Variants in SIDT1 observed in about 807,000 individuals in gnomAD.
SIDT1 encodes SID1 transmembrane family, member 1.
SIDT1 carries 101 observed loss-of-function variants against 107.5 expected under a neutral mutation model. The ratio of observed to expected loss-of-function variants is 0.94; its 90% CI spans 0.80 to 1.11. The LOEUF (loss-of-function observed/expected upper bound fraction) is 1.11, where lower values mean the gene tolerates loss of function less well. Ranked by LOEUF, SIDT1 falls within the 50% of genes least tolerant of loss-of-function variation. The pLI is 0.00. For synonymous variants in SIDT1, 395 were observed against 398.2 expected, an observed-to-expected ratio of 0.99 and a Z score of 0.10; for missense variants, 1,076 against 1,058.2, an observed-to-expected ratio of 1.02 and a Z score of -0.23.
At chr3:113,589,608 A>AC (rs2107578611) in intron 9 of SIDT1, among the ~76,000 whole-genome samples, 1 of 136,932 alleles carries the variant, frequency 7.3e-6, no homozygotes, top group South Asian at 2.3e-4. Flanking sequence ...ATCTCAGCTC[A>AC]CTGTAACCTC....
rs1943653154 is a variant in SIDT1, at chr3:113,585,195, C to T, written c.926C>T (p.Ser309Phe). The T allele has an allele frequency of 6.2e-7, 1 of 1,613,370 alleles. No individual in the cohort carries two copies. Among genetic ancestry groups the T allele is most frequent in the East Asian group, 2.2e-5 (1 of 44,872 alleles). ...PSIKESVYVKSSLFSVFIFLS... is the reference protein window; with the variant it reads ...PSIKESVYVKFSLFSVFIFLS... ...CCTTCAGAATCTGTTTATGTGAAAT[C>T]CAGTCTTTTCAGTGTCTTCATCTTC... Residue 309 changes from serine (S) to phenylalanine (F), a missense_variant, in exon 9 of 25, where the codon TCC (serine) becomes TTC (phenylalanine). Physicochemically the swap from Ser to Phe is radical, Grantham distance 155. Coordinates refer to ENST00000264852, the MANE Select transcript of SIDT1 (RefSeq NM_017699.3).
chr3:113,585,718 G>A (rs1319000273), intron 9 of SIDT1, among the ~76,000 whole-genome samples: 1 of 152,162 alleles, frequency 6.6e-6, no homozygotes, highest in East Asian at 1.9e-4. Context: ...ACAAAGAGCA[G>A]GAGTAATGTT....
At chr3:113,556,866 C>T (rs1036243448) in intron 1 of SIDT1, among the ~76,000 whole-genome samples, 10 of 133,648 alleles carry the variant, frequency 7.5e-5, no homozygotes, top group Admixed American at 5.2e-4. Context: ...GTCACCCAGG[C>T]TGGAGTGCAG....
intron 21 of SIDT1, among the ~76,000 whole-genome samples, chr3:113,621,655 T>C (rs1185742022): frequency 6.6e-6 from 1 of 152,230 alleles, no homozygotes; most frequent in African/African-American, 2.4e-5. Flanking sequence ...GATTAACTAC[T>C]GCAAAGGTAT....
intron 14 of SIDT1, among the ~76,000 whole-genome samples, chr3:113,605,415 C>A (rs1010301368): frequency 1.3e-5 from 2 of 152,148 alleles, no homozygotes; most frequent in African/African-American, 2.4e-5. Context: ...CATGAGCCAC[C>A]ACACCCAGCC....
At chr3:113,602,037 C>T (rs1464214724) in intron 11 of SIDT1, 4 of 166,098 alleles carry the variant, frequency 2.4e-5, no homozygotes, top group African/African-American at 9.6e-5. Context: ...GAGTAAGGGG[C>T]GATCAGAAGA....
chr3:113,563,642 T>C (rs1418444300), intron 1 of SIDT1, among the ~76,000 whole-genome samples: 3 of 152,130 alleles, frequency 2.0e-5, no homozygotes, highest in African/African-American at 2.4e-5. Flanking sequence ...AACAAACAAG[T>C]GTTCCCAAAA....
At chr3:113,588,974 T>C (rs566344600) in intron 9 of SIDT1, among the ~76,000 whole-genome samples, 2 of 152,324 alleles carry the variant, frequency 1.3e-5, no homozygotes, top group South Asian at 4.1e-4. Flanking sequence ...AACTAAGAGC[T>C]AGCTCTTCTG....
chr3:113,601,671 C>G lies in SIDT1; in HGVS notation c.1117+12C>G. On this transcript the variant is annotated intron_variant, in intron 11 of 24. Coordinates refer to ENST00000264852, the MANE Select transcript of SIDT1 (RefSeq NM_017699.3). ...TTATGGGACAATAGGTATGTCCTAC[C>G]AGGTCTGTTCATGAAAGTGTTTCCT... 1.3e-6 allele frequency: 2 copies of G among 1,590,530 alleles called. No individual in the cohort carries two copies. The highest frequency in any genetic ancestry group is 1.7e-6 in the Non-Finnish European group (2 of 1,160,722).
At chr3:113,599,305 G>A (rs1944791562) in intron 10 of SIDT1, among the ~76,000 whole-genome samples, 1 of 152,300 alleles carries the variant, frequency 6.6e-6, no homozygotes, top group Admixed American at 6.5e-5. Context: ...CACGCCAGTG[G>A]GTAATCATTG....
intron 23 of SIDT1, among the ~76,000 whole-genome samples, chr3:113,624,335 T>C (rs1056336163): frequency 6.6e-6 from 1 of 152,228 alleles, no homozygotes; most frequent in Non-Finnish European, 1.5e-5. Flanking sequence ...ATTCTGGACA[T>C]TTCATGTAAA....
chr3:113,602,470 A>C (rs553371432), intron 11 of SIDT1: 2 of 152,386 alleles, frequency 1.3e-5, no homozygotes, highest in South Asian at 4.1e-4. Context: ...ATAAATCTCC[A>C]TCTGCTCTGG....
chr3:113,567,889 G>C (rs114314351), intron 3 of SIDT1, 179 bp downstream of exon 3: 16 of 586,506 alleles, frequency 2.7e-5, no homozygotes, highest in Non-Finnish European at 4.3e-5. Flanking sequence ...CTATACAAAA[G>C]AGTGGGAGTG....
intron 7 of SIDT1, 120 bp from the exon 8 acceptor site, chr3:113,584,578 A>G: frequency 1.5e-6 from 1 of 669,574 alleles, no homozygotes; most frequent in Non-Finnish European, 2.5e-6. Flanking sequence ...TTGCTAAAAT[A>G]AGATTCAGTG....
intron 3 of SIDT1, among the ~76,000 whole-genome samples, chr3:113,568,625 A>G (rs1942156155): frequency 6.6e-6 from 1 of 151,530 alleles, no homozygotes. Flanking sequence ...AGAAAAGAAA[A>G]GAAAAAAAAC....
chr3:113,605,980 G>C (rs1479859494), intron 14 of SIDT1, among the ~76,000 whole-genome samples: 2 of 149,400 alleles, frequency 1.3e-5, no homozygotes, highest in African/African-American at 4.9e-5. Flanking sequence ...ACTCCAGCCT[G>C]AGTGACAGAG....
chr3:113,552,886 T>G (rs1200875976), intron 1 of SIDT1, among the ~76,000 whole-genome samples: 2 of 151,202 alleles, frequency 1.3e-5, no homozygotes, highest in African/African-American at 4.9e-5. Flanking sequence ...GGAGGAGGAG[T>G]AGTTCCTCCA....
intron 17 of SIDT1, among the ~76,000 whole-genome samples, chr3:113,609,874 C>T (rs575868469): frequency 1.2e-4 from 18 of 152,134 alleles, no homozygotes; most frequent in Non-Finnish European, 2.1e-4. Flanking sequence ...AGTTGAGGTC[C>T]TGTTTTGACG....
At chr3:113,617,156 G>T (rs948145830) in intron 20 of SIDT1, among the ~76,000 whole-genome samples, 2 of 152,116 alleles carry the variant, frequency 1.3e-5, no homozygotes, top group Non-Finnish European at 2.9e-5. Context: ...TGTAAACCAG[G>T]ACTATCTCGA....
Sources: allele counts gnomAD v4.1 joint callset (sites outside exome capture counted in the v4.1 genomes callset), GRCh38; gene constraint gnomAD v4.1.1; transcripts MANE v1.5; gene names NCBI Gene and HGNC (gene_info 2026-07-23, HGNC 2026-07-21).